The following FAM177A1 variants were observed in gnomAD, a reference collection of about 807,000 sequenced individuals.
The protein encoded by FAM177A1 is family with sequence similarity 177 member A1.
In FAM177A1, 22 loss-of-function variants were observed where a neutral mutation model predicts 26.1. The ratio of observed to expected loss-of-function variants is 0.84; its 90% CI spans 0.60 to 1.20. FAM177A1 has a LOEUF of 1.20. Among genes scored for constraint, FAM177A1 ranks in the 50% most tolerant of loss-of-function variants. FAM177A1 has a pLI of 0.00. For synonymous variants in FAM177A1, 95 were observed against 99.3 expected (o/e 0.96, Z 0.26); for missense variants, 296 against 291.1 (o/e 1.02, Z -0.12).
At position 35,081,358 on chromosome 14, in the gene FAM177A1, A is replaced by G. The variant is rs2045481635; in HGVS notation, c.*130A>G. ...AATTATTAAAGTATCTGGAAAGGGA[A>G]AATGTTTTCTTCATTTTTAGGATCT... On this transcript the variant is annotated 3_prime_UTR_variant, in exon 5 of 5. Transcript: ENST00000280987. 1.0e-6 allele frequency: 1 copy of G among 953,324 alleles called. No homozygotes were observed. The highest frequency in any genetic ancestry group is 2.9e-5 in the East Asian group (1 of 34,834). 59.1% of individuals were successfully genotyped at this position (953,324 alleles called of 1,614,324 possible).
At chr14:35,068,562 C>A (rs1227843594) in intron 2 of FAM177A1, among the ~76,000 whole-genome samples, 1 of 152,164 alleles carries the variant, frequency 6.6e-6, no homozygotes, top group East Asian at 1.9e-4. Context: ...TTCTGGGATT[C>A]CTTCCTTATT....
intron 2 of FAM177A1, among the ~76,000 whole-genome samples, chr14:35,060,144 A>G (rs2045129546): frequency 6.7e-6 from 1 of 149,520 alleles, no homozygotes; most frequent in Non-Finnish European, 1.5e-5. Flanking sequence ...CGGGCTAATT[A>G]CTGTATTTTT....
intron 1 of FAM177A1, among the ~76,000 whole-genome samples, chr14:35,052,104 G>A (rs1012588031): frequency 2.0e-5 from 3 of 152,092 alleles, no homozygotes; most frequent in African/African-American, 7.2e-5. Context: ...AAGAATAAAA[G>A]CCCTCCTTTG....
At chr14:35,080,965 A>G (rs2045472682) in intron 4 of FAM177A1, 57 bp from the exon 5 acceptor site, 3 of 1,502,726 alleles carry the variant, frequency 2.0e-6, no homozygotes, top group Non-Finnish European at 1.8e-6. Context: ...AAACAGCACT[A>G]TATACCTTTT....
intron 2 of FAM177A1, among the ~76,000 whole-genome samples, chr14:35,057,690 T>C (rs1221199730): frequency 6.6e-6 from 1 of 152,108 alleles, no homozygotes; most frequent in Non-Finnish European, 1.5e-5. Flanking sequence ...TATACCTTCA[T>C]TTTTATTTAA....
intron 2 of FAM177A1, among the ~76,000 whole-genome samples, chr14:35,074,887 A>C (rs1049253530): frequency 2.0e-5 from 3 of 151,816 alleles, no homozygotes; most frequent in Non-Finnish European, 4.4e-5. Flanking sequence ...CTAAACATAC[A>C]AAAATTTGTG....
rs1402145765 is a variant in FAM177A1, at chr14:35,081,136, T to C, written c.619T>C (p.Ser207Pro). 6 of 1,613,616 alleles carry C rather than the reference T, an allele frequency of 3.7e-6. No individual in the cohort carries two copies. Among genetic ancestry groups the C allele is most frequent in the African/African-American group, 1.3e-5 (1 of 74,896 alleles). ...VQTDQPETVISSSFVNVNFEM... is the reference protein window; with the variant it reads ...VQTDQPETVIPSSFVNVNFEM... ...GACAGATCAACCAGAGACAGTGATA[T>C]CCAGCTCATTTGTGAATGTCAATTT... Residue 207 changes from serine to proline, a missense_variant, in exon 5 of 5, where the codon TCC becomes CCC. By Grantham distance (74) the Ser-to-Pro change is moderately conservative (BLOSUM62 -1). Coordinates refer to ENST00000280987, the MANE Select transcript of FAM177A1 (RefSeq NM_173607.5).
intron 2 of FAM177A1, among the ~76,000 whole-genome samples, chr14:35,060,057 T>G (rs1426496096): frequency 6.6e-6 from 1 of 152,084 alleles, no homozygotes. Context: ...CACTGCAACC[T>G]CTGCTTCCTG....
In FAM177A1 at chr14:35,082,739, TAA is replaced by T. The variant is rs1016483484; in HGVS notation, c.*1512_*1513del. ...ATATTAATAGCCTTCTAAACAGCAT[TAA>T]GTTTTCAATTTTAATATATCTATAT... On this transcript the variant is annotated 3_prime_UTR_variant, in exon 5 of 5. Transcript: ENST00000280987. The T allele has an allele frequency of 1.4e-4, 22 of 152,280 alleles. No individual in the cohort carries two copies. The highest frequency in any genetic ancestry group is 1.0e-3 in the South Asian group (5 of 4,824). The allele number at this position is 152,280 out of a possible 1,614,324, so 9.4% of individuals were successfully genotyped here.
chr14:35,059,535 C>CTTTTTTT (rs767772869), intron 2 of FAM177A1, among the ~76,000 whole-genome samples: 3 of 120,456 alleles, frequency 2.5e-5, no homozygotes, highest in Non-Finnish European at 3.6e-5. Flanking sequence ...ATTTACATTT[C>CTTTTTTT]TTTTTTTTTT....
intron 2 of FAM177A1, among the ~76,000 whole-genome samples, chr14:35,076,732 A>G (rs1712354): frequency 0.21 from 31,914 of 152,072 alleles, 4,038 homozygotes; most frequent in Non-Finnish European, 0.29. Flanking sequence ...TTTCCCTGCT[A>G]TAGCATAAGT....
intron 2 of FAM177A1, among the ~76,000 whole-genome samples, chr14:35,058,203 A>G (rs1276726705): frequency 5.9e-5 from 9 of 151,924 alleles, no homozygotes; most frequent in Admixed American, 5.3e-4. Context: ...CCTCCCATGT[A>G]GCTGAGATTA....
intron 2 of FAM177A1, 32 bp from the exon 3 acceptor site, chr14:35,077,118 A>G (rs1311301767): frequency 2.2e-5 from 34 of 1,552,184 alleles, no homozygotes; most frequent in Non-Finnish European, 2.9e-5. Flanking sequence ...GAATTTAGGT[A>G]TGAATGTTGC....
In FAM177A1 at chr14:35,046,281, T is replaced by C. The variant is rs1289631674; in HGVS notation, c.-183T>C. ...GGTAGTTGCGCCTCCCAGACTGCAG[T>C]TGGCCAGCTCTCGGGGTGCGGAGCC... On this transcript the variant is annotated 5_prime_UTR_variant, in exon 1 of 5. Coordinates refer to ENST00000280987, the MANE Select transcript of FAM177A1 (RefSeq NM_173607.5). The C allele has an allele frequency of 3.4e-5, 21 of 612,554 alleles. No homozygotes were observed. The highest frequency in any genetic ancestry group is 8.8e-5 in the Admixed American group (2 of 22,612). 37.9% of individuals were successfully genotyped at this position (612,554 alleles called of 1,614,324 possible).
chr14:35,068,386 C>G (rs1566672652), intron 2 of FAM177A1, among the ~76,000 whole-genome samples: 1 of 152,198 alleles, frequency 6.6e-6, no homozygotes, highest in Non-Finnish European at 1.5e-5. Flanking sequence ...TAGATTTACT[C>G]TCTACTCGTC....
chr14:35,059,603 C>T (rs1363524638), intron 2 of FAM177A1, among the ~76,000 whole-genome samples: 7 of 148,608 alleles, frequency 4.7e-5, no homozygotes, highest in African/African-American at 7.5e-5. Flanking sequence ...GGCGCAATCT[C>T]GGCTCACTGC....
At chr14:35,078,817 C>T in intron 3 of FAM177A1, 110 bp from the exon 4 acceptor site, 1 of 672,758 alleles carries the variant, frequency 1.5e-6, no homozygotes, top group Non-Finnish European at 2.3e-6. Flanking sequence ...TTTATAATCT[C>T]CTTGAGAGCA....
intron 3 of FAM177A1, among the ~76,000 whole-genome samples, 167 bp downstream of exon 3, chr14:35,077,383 A>G (rs938036089): frequency 6.6e-6 from 1 of 151,966 alleles, no homozygotes; most frequent in Non-Finnish European, 1.5e-5. Context: ...TGTACTTCAC[A>G]TTAAAACATT....
At chr14:35,059,813 C>T (rs927821088) in intron 2 of FAM177A1, among the ~76,000 whole-genome samples, 6 of 152,144 alleles carry the variant, frequency 3.9e-5, no homozygotes, top group African/African-American at 1.4e-4. Flanking sequence ...TCCCAAAGTG[C>T]TGGGATTACA....
Sources: allele counts gnomAD v4.1 joint callset (sites outside exome capture counted in the v4.1 genomes callset), GRCh38; gene constraint gnomAD v4.1.1; transcripts MANE v1.5; gene names NCBI Gene and HGNC (gene_info 2026-07-23, HGNC 2026-07-21).